PTPRT: variants seen among roughly 807,000 people sequenced by gnomAD.
The protein encoded by PTPRT is protein tyrosine phosphatase receptor type T.
A neutral mutation model predicts 176.8 loss-of-function variants in PTPRT; 56 were observed. The observed-to-expected ratio is 0.32, with a 90% CI of 0.26 to 0.40. PTPRT has a LOEUF of 0.40. PTPRT is among the 10% of genes least tolerant of loss of function. PTPRT has a pLI of 1.00. For missense variants in PTPRT, 1,540 were observed against 1,908.2 expected (o/e 0.81, Z 3.60); for synonymous variants, 783 against 739.0 (o/e 1.06, Z -0.96).
chr20:42,325,799 A>T (rs1236227951), intron 11 of PTPRT, among the ~76,000 whole-genome samples: 1 of 152,202 alleles, frequency 6.6e-6, no homozygotes, highest in African/African-American at 2.4e-5. Context: ...CAACATCTTT[A>T]CAATGTCTAC....
intron 7 of PTPRT, among the ~76,000 whole-genome samples, chr20:42,479,787 G>C (rs188142409): frequency 6.6e-6 from 1 of 152,272 alleles, no homozygotes; most frequent in East Asian, 1.9e-4. Context: ...ATGTTCGACT[G>C]GTAAGTATAA....
intron 1 of PTPRT, among the ~76,000 whole-genome samples, chr20:42,909,809 A>G (rs2079522267): frequency 6.6e-6 from 1 of 152,228 alleles, no homozygotes; most frequent in Admixed American, 6.5e-5. Flanking sequence ...TCACACAAGC[A>G]TGTTGGATTT....
chr20:42,690,902 A>C (rs2075782606), intron 6 of PTPRT, among the ~76,000 whole-genome samples: 1 of 152,160 alleles, frequency 6.6e-6, no homozygotes, highest in Non-Finnish European at 1.5e-5. Flanking sequence ...AAGTGCCTGA[A>C]AAATGACAGG....
intron 23 of PTPRT, 119 bp from the exon 24 acceptor site, chr20:42,107,040 C>T: frequency 7.8e-7 from 1 of 1,276,040 alleles, no homozygotes; most frequent in East Asian, 2.4e-5. Context: ...ATTATGTGTT[C>T]CCACATTTCC....
At chr20:42,313,606 A>C (rs1036075308) in intron 12 of PTPRT, among the ~76,000 whole-genome samples, 1 of 152,184 alleles carries the variant, frequency 6.6e-6, no homozygotes, top group Admixed American at 6.5e-5. Context: ...CTCATCATGG[A>C]AACCCAACCA....
chr20:43,080,365 A>G (rs182088879), intron 1 of PTPRT, among the ~76,000 whole-genome samples: 1 of 152,354 alleles, frequency 6.6e-6, no homozygotes, highest in Admixed American at 6.5e-5. Flanking sequence ...ACAGGAAATC[A>G]ACCTTTGTTA....
chr20:42,419,283 G>A (rs1361707248), intron 9 of PTPRT, among the ~76,000 whole-genome samples: 1 of 152,196 alleles, frequency 6.6e-6, no homozygotes, highest in Non-Finnish European at 1.5e-5. Context: ...TAAAGTTCAA[G>A]CTCAGTTGCA....
chr20:42,267,026 T>G (rs1358732606), intron 13 of PTPRT, among the ~76,000 whole-genome samples: 1 of 152,194 alleles, frequency 6.6e-6, no homozygotes, highest in Non-Finnish European at 1.5e-5. Flanking sequence ...AATAATAATA[T>G]TTTGGATATA....
chr20:43,092,658 C>T (rs932117659), intron 1 of PTPRT, among the ~76,000 whole-genome samples: 3 of 152,154 alleles, frequency 2.0e-5, no homozygotes, highest in Admixed American at 6.5e-5. Flanking sequence ...CTCACTTCCA[C>T]GTTAAAACAT....
intron 9 of PTPRT, among the ~76,000 whole-genome samples, chr20:42,423,783 T>C (rs573877950): frequency 6.6e-6 from 1 of 152,360 alleles, no homozygotes; most frequent in East Asian, 1.9e-4. Flanking sequence ...TAAATCATGA[T>C]AGTGTCACTT....
chr20:42,874,343 C>A (rs1490878878), intron 2 of PTPRT, among the ~76,000 whole-genome samples: 1 of 151,940 alleles, frequency 6.6e-6, no homozygotes, highest in Admixed American at 6.5e-5. Flanking sequence ...TACAGAGACA[C>A]TGACAGACTT....
At chr20:42,034,645 G>A in the PTPRT span, among the ~76,000 whole-genome samples, 1 of 152,136 alleles carries the variant, frequency 6.6e-6, no homozygotes, top group African/African-American at 2.4e-5. Flanking sequence ...CTTCCTGGGG[G>A]TTAAGCACAA....
chr20:42,294,271 A>G (rs73120066), intron 12 of PTPRT, among the ~76,000 whole-genome samples: 1,874 of 152,280 alleles, frequency 0.012, 45 homozygotes, highest in African/African-American at 0.043. Context: ...ATCAAAACTA[A>G]GAGTACAGGA....
At chr20:42,144,652 A>G (rs1268376916) in intron 17 of PTPRT, among the ~76,000 whole-genome samples, 1 of 152,228 alleles carries the variant, frequency 6.6e-6, no homozygotes, top group Non-Finnish European at 1.5e-5. Flanking sequence ...CTGCAGAAGC[A>G]TGATTATCAG....
At chr20:43,003,416 G>C (rs746773066) in intron 1 of PTPRT, among the ~76,000 whole-genome samples, 1 of 152,100 alleles carries the variant, frequency 6.6e-6, no homozygotes, top group Admixed American at 6.5e-5. Context: ...TCCCCAGGCT[G>C]GTCTCTAACT....
At chr20:42,401,615 C>A (rs2058908177) in intron 9 of PTPRT, among the ~76,000 whole-genome samples, 1 of 152,152 alleles carries the variant, frequency 6.6e-6, no homozygotes, top group South Asian at 2.1e-4. Context: ...ACCTTCTCTG[C>A]AGCTGATGAA....
intron 3 of PTPRT, among the ~76,000 whole-genome samples, chr20:42,788,765 A>T (rs1225456075): frequency 1.3e-5 from 2 of 152,230 alleles, no homozygotes; most frequent in Non-Finnish European, 2.9e-5. Context: ...GAGCAGAACC[A>T]GCACCTCATA....
intron 1 of PTPRT, among the ~76,000 whole-genome samples, chr20:43,120,068 T>C (rs1029148753): frequency 1.3e-5 from 2 of 152,174 alleles, no homozygotes; most frequent in Admixed American, 6.5e-5. Context: ...TGGCCTCCCA[T>C]AGTGCTGGGA....
In PTPRT at chr20:42,427,727, G is replaced by T. The variant is rs546591628; in HGVS notation, c.1560+20493C>A. ...TGACTTGCACGTATACATCCAGATG[G>T]CCTGAAGTAACTGAAGATCCACAAA... On this transcript the variant is annotated intron_variant, in intron 9 of 30. Transcript: ENST00000373187. 2.0e-3 allele frequency among the ~76,000 whole-genome samples: 311 copies of T among 152,252 alleles called. 1 individual carries two copies. The highest frequency in any genetic ancestry group is 6.8e-3 in the African/African-American group (284 of 41,542).
Sources: gnomAD v4.1 joint callset for allele counts (sites outside exome capture counted in the v4.1 genomes callset) on GRCh38, gnomAD v4.1.1 for gene constraint, MANE v1.5 for transcripts, NCBI Gene and HGNC (gene_info 2026-07-23, HGNC 2026-07-21) for gene names.